The following ZKSCAN5 variants were observed in gnomAD, a reference collection of about 807,000 sequenced individuals.
The protein encoded by ZKSCAN5 is zinc finger protein with KRAB and SCAN domains 5.
In ZKSCAN5, 28 loss-of-function variants were observed where a neutral mutation model predicts 60.0. That is an observed-to-expected ratio of 0.47 (90% CI 0.35 to 0.64). The LOEUF (loss-of-function observed/expected upper bound fraction) is 0.64. Among genes scored for constraint, ZKSCAN5 ranks in the 30% least tolerant of loss-of-function variants. The probability of loss-of-function intolerance (pLI) is 0.01; values close to 1 mark genes in which losing one functional copy is unlikely to be tolerated. For missense variants in ZKSCAN5, 881 were observed against 1,034.6 expected (o/e 0.85, Z 2.04); for synonymous variants, 361 against 371.2 (o/e 0.97, Z 0.31).
chr7:99,515,819 G>A (rs2151102003), intron 3 of ZKSCAN5, among the ~76,000 whole-genome samples: 2 of 145,576 alleles, frequency 1.4e-5, no homozygotes, highest in African/African-American at 2.6e-5. Context: ...GGGCGACAAA[G>A]CAAGACTCCA....
At chr7:99,509,136 G>A (rs1343086404) in intron 2 of ZKSCAN5, among the ~76,000 whole-genome samples, 1 of 151,536 alleles carries the variant, frequency 6.6e-6, no homozygotes, top group East Asian at 2.0e-4. Context: ...TTACAGACAT[G>A]CACCACCATG....
At position 99,506,301 on chromosome 7, in the gene ZKSCAN5, A is replaced by G; in HGVS notation, c.257A>G (p.Lys86Arg). ...TGGCTGAGGCCCGAGCTGCACACGAAGGAGCAGATCCTGGAGCTGCTGGTG... is the reference window on the plus strand; with the variant it reads ...TGGCTGAGGCCCGAGCTGCACACGAGGGAGCAGATCCTGGAGCTGCTGGTG... ...CEWLRPELHT[K>R]EQILELLVLE... is the part of the protein sequence containing the mutation. Residue 86 changes from lysine to arginine, a missense_variant, in exon 2 of 7, where the codon AAG becomes AGG. Physicochemically the swap from Lys to Arg is conservative, Grantham distance 26 (BLOSUM62 2). This residue lies in a region of ZKSCAN5 where 53 missense variants were observed against 88.7 expected (regional missense o/e 0.60). Coordinates refer to ENST00000326775, the MANE Select transcript of ZKSCAN5 (RefSeq NM_145102.4). 1.2e-6 allele frequency: 2 copies of G among 1,614,242 alleles called. No individual in the cohort carries two copies. The highest frequency in any genetic ancestry group is 2.2e-5 in the South Asian group (2 of 91,090).
Position 99,506,413 on chromosome 7 carries a change from C to T in ZKSCAN5, c.369C>T (p.Ala123=). 1 of 1,613,834 alleles carries T rather than the reference C, an allele frequency of 6.2e-7. No individual in the cohort carries two copies. ...HHPESGEEAV[A]VIENIQRELE... is the part of the protein sequence containing the mutation. ...CTGAAAGTGGAGAAGAGGCGGTGGC[C>T]GTGATAGAAAATATACAGCGAGAAC... Residue 123 remains alanine, a synonymous_variant, in exon 2 of 7, where the codon GCC becomes GCT. Transcript: ENST00000326775.
intron 3 of ZKSCAN5, among the ~76,000 whole-genome samples, chr7:99,517,470 C>T (rs1458121290): frequency 6.6e-6 from 1 of 151,942 alleles, no homozygotes; most frequent in African/African-American, 2.4e-5. Context: ...CAGTTGAGAC[C>T]AGGAGTTCAA....
chr7:99,531,120 G>T lies in ZKSCAN5; in HGVS notation c.1391G>T (p.Arg464Ile). 1 of 1,579,994 alleles carries T rather than the reference G, an allele frequency of 6.3e-7. No individual in the cohort carries two copies. The highest frequency in any genetic ancestry group is 2.2e-5 in the East Asian group (1 of 44,630). Residue 464 changes from arginine to isoleucine, a missense_variant, in exon 7 of 7, where the codon AGA becomes ATA. This residue lies in a region of ZKSCAN5 where 490 missense variants were observed against 554.5 expected (regional missense o/e 0.88). Coordinates refer to ENST00000326775, the MANE Select transcript of ZKSCAN5 (RefSeq NM_145102.4). ...TTATTTTTTTTAGGCAGTGACAAAA[G>T]AAGTAAGAACACAAAATTAAGTGTT... ...REKSQRCSDK[R>I]SKNTKLSVKK...
chr7:99,510,914 T>TTTTG (rs1800991537), intron 2 of ZKSCAN5, among the ~76,000 whole-genome samples: 1 of 152,096 alleles, frequency 6.6e-6, no homozygotes, highest in African/African-American at 2.4e-5. Flanking sequence ...TGGCTAATTT[T>TTTTG]TATATTTTTA....
chr7:99,524,686 A>G (rs1801694259), intron 5 of ZKSCAN5, among the ~76,000 whole-genome samples: 1 of 152,352 alleles, frequency 6.6e-6, no homozygotes, highest in Non-Finnish European at 1.5e-5. Flanking sequence ...TCTTGAAAGT[A>G]GTAGGTTCTT....
At position 99,532,294 on chromosome 7, in the gene ZKSCAN5, C is replaced by A; in HGVS notation, c.*45C>A. On this transcript the variant is annotated 3_prime_UTR_variant, in exon 7 of 7. Transcript: ENST00000326775. ...GAAACCTTCCTGGAGGGAAACCATA[C>A]TCCTATAATGAGCAAAGTAACAACT... is the stretch of plus-strand genomic sequence containing the variant. 6.6e-7 allele frequency: 1 copy of A among 1,507,640 alleles called. No individual in the cohort carries two copies. Among genetic ancestry groups the A allele is most frequent in the Non-Finnish European group, 8.8e-7 (1 of 1,130,602 alleles). 93.4% of individuals were successfully genotyped at this position (1,507,640 alleles called of 1,614,324 possible).
intron 1 of ZKSCAN5, chr7:99,505,727 CTG>C (rs1370805956): frequency 4.2e-5 from 10 of 240,168 alleles, no homozygotes; most frequent in South Asian, 2.8e-4. Context: ...CACTCTAAAA[CTG>C]TGTTTTAGGT....
intron 5 of ZKSCAN5, 129 bp downstream of exon 5, chr7:99,520,433 T>C: frequency 3.7e-6 from 4 of 1,085,704 alleles, no homozygotes. Flanking sequence ...TTATTTTTTG[T>C]AAAAGAATAA....
At chr7:99,512,738 C>G in intron 3 of ZKSCAN5, 147 bp downstream of exon 3, 1 of 965,958 alleles carries the variant, frequency 1.0e-6, no homozygotes, top group Non-Finnish European at 1.4e-6. Flanking sequence ...GGCCAGGGAC[C>G]TGGAGTTGAG....
chr7:99,532,030 C>T lies in ZKSCAN5; in HGVS notation c.2301C>T (p.Tyr767=). 1 of 1,614,222 alleles carries T rather than the reference C, an allele frequency of 6.2e-7. No homozygotes were observed. Among genetic ancestry groups the T allele is most frequent in the Non-Finnish European group, 8.5e-7 (1 of 1,180,042 alleles). The part of the protein sequence containing the change: ...CSHTKQHQKI[Y]SSTKSHQCHE... The stretch of plus-strand genomic sequence containing the variant: ...ACACCAAACAACATCAAAAAATCTA[C>T]TCCAGCACAAAATCCCATCAATGTC... The change falls in exon 7 of 7, where the codon TAC becomes TAT. Residue 767 remains tyrosine, a synonymous_variant. Transcript: ENST00000326775.
Position 99,520,301 on chromosome 7 carries a change from A to C in ZKSCAN5, c.769A>C (p.Met257Leu). Residue 257 changes from methionine (M) to leucine (L), a missense_variant, in exon 5 of 7, where the codon ATG becomes CTG. Transcript: ENST00000326775. ...RKENYGSITS[M>L]GYESRDNMEL... is the part of the protein sequence containing the mutation. ...GGAGAACTATGGGAGTATTACTTCCATGGGTAAGGATTATTTCATCTGCAT... is the reference window on the plus strand; with the variant it reads ...GGAGAACTATGGGAGTATTACTTCCCTGGGTAAGGATTATTTCATCTGCAT... 6.2e-7 allele frequency: 1 copy of C among 1,611,056 alleles called. No individual in the cohort carries two copies. Among genetic ancestry groups the C allele is most frequent in the Non-Finnish European group, 8.5e-7 (1 of 1,179,158 alleles).
Position 99,532,997 on chromosome 7 carries a change from T to C in ZKSCAN5, c.*748T>C, listed in dbSNP as rs73713503. 774 of 212,152 alleles carry C rather than the reference T, an allele frequency of 3.6e-3. 8 individuals carry two copies. The highest frequency in any genetic ancestry group is 0.016 in the African/African-American group (713 of 44,872). 13.1% of individuals were successfully genotyped at this position (212,152 alleles called of 1,614,324 possible). ...GAAACTGTACTGGTCAGTCACATCT[T>C]ACGGCGAAGGGAGAGGGACCTTAGG... On this transcript the variant is annotated 3_prime_UTR_variant, in exon 7 of 7. Transcript: ENST00000326775.
At chr7:99,507,625 C>T (rs139805743) in intron 2 of ZKSCAN5, among the ~76,000 whole-genome samples, 1,681 of 149,598 alleles carry the variant, frequency 0.011, 17 homozygotes, top group African/African-American at 0.038. Context: ...ATAGGCTGGG[C>T]GCAGTGGCTC....
intron 3 of ZKSCAN5, among the ~76,000 whole-genome samples, chr7:99,519,271 G>GTTT (rs1562909173): frequency 7.8e-6 from 1 of 128,410 alleles, no homozygotes; most frequent in African/African-American, 2.7e-5. Context: ...ACCACGCCCA[G>GTTT]TATTTTTTTT....
intron 2 of ZKSCAN5, 126 bp from the exon 3 acceptor site, chr7:99,512,326 CG>C: frequency 8.3e-7 from 1 of 1,204,000 alleles, no homozygotes; most frequent in Non-Finnish European, 1.2e-6. Flanking sequence ...ATAATCAGTG[CG>C]TGGCTCATTG....
At chr7:99,523,606 A>AAATC (rs58654797) in intron 5 of ZKSCAN5, among the ~76,000 whole-genome samples, 5,882 of 143,116 alleles carry the variant, frequency 0.041, 332 homozygotes, top group African/African-American at 0.13. Flanking sequence ...ACCCAGTCTC[A>AAATC]AATCAATCAA....
At chr7:99,508,386 T>A (rs1395016333) in intron 2 of ZKSCAN5, among the ~76,000 whole-genome samples, 2 of 152,050 alleles carry the variant, frequency 1.3e-5, no homozygotes, top group Admixed American at 6.6e-5. Flanking sequence ...CCACCAACAA[T>A]GTATGAGAGA....
Sources: allele counts gnomAD v4.1 joint callset (sites outside exome capture counted in the v4.1 genomes callset), GRCh38; gene constraint gnomAD v4.1.1; regional missense constraint gnomAD v4.1.1; transcripts MANE v1.5; gene names NCBI Gene and HGNC (gene_info 2026-07-23, HGNC 2026-07-21).